The following UNC5C variants were observed in gnomAD, a reference collection of about 807,000 sequenced individuals.
UNC5C encodes the protein netrin receptor UNC5C.
Under a neutral mutation model 99.8 loss-of-function variants are expected in UNC5C, and 47 were observed. The ratio of observed to expected loss-of-function variants is 0.47; its 90% CI spans 0.37 to 0.60. The LOEUF (loss-of-function observed/expected upper bound fraction) is 0.60, where lower values mean the gene tolerates loss of function less well. Ranked by LOEUF, UNC5C falls within the 20% of genes least tolerant of loss-of-function variation. UNC5C has a pLI of 0.00. For synonymous variants in UNC5C, 487 were observed against 452.2 expected (o/e 1.08, Z -0.98); for missense variants, 1,062 against 1,165.9 (o/e 0.91, Z 1.30).
intron 7 of UNC5C, among the ~76,000 whole-genome samples, chr4:95,229,047 T>C (rs1471377772): frequency 6.6e-6 from 1 of 152,134 alleles, no homozygotes; most frequent in African/African-American, 2.4e-5. Flanking sequence ...AGGAGAAACA[T>C]CATTTCCCTC....
chr4:95,501,368 G>A (rs1721771466), intron 1 of UNC5C, among the ~76,000 whole-genome samples: 1 of 151,934 alleles, frequency 6.6e-6, no homozygotes. Context: ...CACAAATACA[G>A]TATTTACACA....
intron 5 of UNC5C, 77 bp from the exon 6 acceptor site, chr4:95,245,221 C>T: frequency 1.4e-6 from 2 of 1,402,580 alleles, no homozygotes; most frequent in Non-Finnish European, 1.9e-6. Context: ...AAAACAGACA[C>T]AATATGTAAA....
At chr4:95,508,134 C>T (rs1470357631) in intron 1 of UNC5C, among the ~76,000 whole-genome samples, 2 of 151,886 alleles carry the variant, frequency 1.3e-5, no homozygotes, top group Admixed American at 6.6e-5. Flanking sequence ...ACAGGATACT[C>T]TTTATACCAT....
At chr4:95,479,194 G>T (rs563254766) in intron 1 of UNC5C, among the ~76,000 whole-genome samples, 1 of 152,034 alleles carries the variant, frequency 6.6e-6, no homozygotes, top group East Asian at 1.9e-4. Context: ...ATGTTGACTT[G>T]TATAAAGAGT....
chr4:95,484,126 G>C (rs1463464727), intron 1 of UNC5C, among the ~76,000 whole-genome samples: 3 of 151,788 alleles, frequency 2.0e-5, no homozygotes, highest in African/African-American at 7.3e-5. Context: ...AATGGGTAAT[G>C]AGGAAGGGCT....
At chr4:95,264,773 C>T (rs901978720) in intron 4 of UNC5C, among the ~76,000 whole-genome samples, 9 of 152,194 alleles carry the variant, frequency 5.9e-5, no homozygotes, top group Middle Eastern at 3.2e-3. Flanking sequence ...TGGCCTTTCT[C>T]GTTGCTAAAT....
intron 12 of UNC5C, among the ~76,000 whole-genome samples, chr4:95,188,242 T>A (rs895519707): frequency 6.6e-6 from 1 of 152,054 alleles, no homozygotes; most frequent in Non-Finnish European, 1.5e-5. Context: ...CAGTGAAGGA[T>A]TCAGTAACCT....
chr4:95,426,279 A>G lies in UNC5C; in HGVS notation c.125-90648T>C, dbSNP rs149989343. Among the ~76,000 whole-genome samples, 821 of 152,326 alleles carry G rather than the reference A, an allele frequency of 5.4e-3. 11 individuals are homozygous for G. The highest frequency in any genetic ancestry group is 0.018 in the African/African-American group (740 of 41,558). On this transcript the variant is annotated intron_variant, in intron 1 of 15. Coordinates refer to ENST00000453304, the MANE Select transcript of UNC5C (RefSeq NM_003728.4). ...ATTGTAATTGTTTTGATGTGCCATG[A>G]ACCACACTCATATAAGACAGTAAAA...
chr4:95,398,069 T>A (rs1409881114), intron 1 of UNC5C, among the ~76,000 whole-genome samples: 1 of 148,524 alleles, frequency 6.7e-6, no homozygotes, highest in African/African-American at 2.5e-5. Flanking sequence ...TTTTTGCTTA[T>A]GTAAAATGCT....
intron 1 of UNC5C, among the ~76,000 whole-genome samples, chr4:95,450,224 C>T (rs934110766): frequency 3.1e-4 from 47 of 152,148 alleles, no homozygotes; most frequent in African/African-American, 1.1e-3. Flanking sequence ...TCCCCCAACC[C>T]CCTTGAAGAT....
In UNC5C at chr4:95,169,763, G is replaced by A. The variant is rs566666187; in HGVS notation, c.2631-364C>T. ...GACGGTGACACTCCACAAAGTAGACGCTCCAGAGGTCTCTTTATAACTTAA... is the reference window on the plus strand; with the variant it reads ...GACGGTGACACTCCACAAAGTAGACACTCCAGAGGTCTCTTTATAACTTAA... On this transcript the variant is annotated intron_variant, in intron 15 of 15. Coordinates refer to ENST00000453304, the MANE Select transcript of UNC5C (RefSeq NM_003728.4). Among the ~76,000 whole-genome samples, 7 of 151,722 alleles carry A rather than the reference G, an allele frequency of 4.6e-5. No individual in the cohort carries two copies. In the South Asian group the frequency reaches 6.3e-4, roughly 14 times the overall value.
At chr4:95,384,434 A>G (rs1223584340) in intron 1 of UNC5C, among the ~76,000 whole-genome samples, 4 of 152,162 alleles carry the variant, frequency 2.6e-5, no homozygotes, top group Admixed American at 6.5e-5. Context: ...AAGATGAGCC[A>G]CTTAGGTGGG....
chr4:95,328,040 CTTTTTTTTT>C (rs34794058), intron 2 of UNC5C, among the ~76,000 whole-genome samples: 2 of 87,092 alleles, frequency 2.3e-5, no homozygotes, highest in African/African-American at 8.0e-5. Context: ...CAGGCAACTT[CTTTTTTTTT>C]TTTTTTTTTT....
chr4:95,198,823 A>G (rs922652942), intron 12 of UNC5C, among the ~76,000 whole-genome samples: 4 of 152,202 alleles, frequency 2.6e-5, no homozygotes, highest in Non-Finnish European at 4.4e-5. Flanking sequence ...AGGTGGAGCA[A>G]TGGGAAAGGG....
At chr4:95,491,958 T>C (rs978971862) in intron 1 of UNC5C, among the ~76,000 whole-genome samples, 11 of 151,508 alleles carry the variant, frequency 7.3e-5, no homozygotes, top group African/African-American at 2.7e-4. Flanking sequence ...GTGTAAAACA[T>C]GGGAAATATA....
chr4:95,298,146 C>G (rs911653054), intron 3 of UNC5C, among the ~76,000 whole-genome samples: 2 of 152,008 alleles, frequency 1.3e-5, no homozygotes, highest in Non-Finnish European at 2.9e-5. Context: ...TACATCCCTA[C>G]AAAAAAATGC....
intron 2 of UNC5C, among the ~76,000 whole-genome samples, chr4:95,330,336 G>C (rs1259510616): frequency 6.6e-6 from 1 of 151,896 alleles, no homozygotes; most frequent in Non-Finnish European, 1.5e-5. Context: ...TCATTTATAA[G>C]CATTAGACAT....
chr4:95,238,654 G>A (rs1438208096), intron 7 of UNC5C, among the ~76,000 whole-genome samples: 1 of 151,950 alleles, frequency 6.6e-6, no homozygotes, highest in Non-Finnish European at 1.5e-5. Flanking sequence ...TTTAAATTTT[G>A]TTCTTTTATT....
intron 1 of UNC5C, among the ~76,000 whole-genome samples, chr4:95,374,383 G>A (rs549240966): frequency 1.2e-4 from 18 of 152,168 alleles, no homozygotes; most frequent in Non-Finnish European, 1.6e-4. Flanking sequence ...TGAGTGTCAC[G>A]GGTTTTCAAT....
Sources: allele counts gnomAD v4.1 joint callset (sites outside exome capture counted in the v4.1 genomes callset), GRCh38; gene constraint gnomAD v4.1.1; transcripts MANE v1.5; gene names NCBI Gene and HGNC (gene_info 2026-07-23, HGNC 2026-07-21).